Variants in CSMD1 observed in about 807,000 individuals in gnomAD.
CSMD1 encodes the protein CUB and sushi domain-containing protein 1.
A neutral mutation model predicts 417.5 loss-of-function variants in CSMD1; 213 were observed. That is an observed-to-expected ratio of 0.51 (90% CI 0.46 to 0.57). The LOEUF (loss-of-function observed/expected upper bound fraction) is 0.57, where lower values mean the gene tolerates loss of function less well. CSMD1 is among the 20% of genes least tolerant of loss of function. The pLI is 0.00. For synonymous variants in CSMD1, 2,862 were observed against 1,736.8 expected (o/e 1.65, Z -16.11); for missense variants, 6,923 against 4,529.7 (o/e 1.53, Z -15.17).
At chr8:3,452,895 C>T (rs920879449) in intron 12 of CSMD1, among the ~76,000 whole-genome samples, 4 of 152,152 alleles carry the variant, frequency 2.6e-5, no homozygotes, top group African/African-American at 7.2e-5. Context: ...AGGAATGGTA[C>T]CAGCTCCTCC....
chr8:4,435,259 G>A (rs992458739), intron 2 of CSMD1, among the ~76,000 whole-genome samples: 1 of 152,100 alleles, frequency 6.6e-6, no homozygotes, highest in Non-Finnish European at 1.5e-5. Flanking sequence ...TGTTTTATAA[G>A]TACTTTGTTA....
At chr8:3,045,234 G>C (rs1811357611) in intron 50 of CSMD1, among the ~76,000 whole-genome samples, 1 of 152,134 alleles carries the variant, frequency 6.6e-6, no homozygotes. Context: ...ATCATAGTTG[G>C]TATCAAAAGA....
chr8:3,441,346 C>T (rs1319450331), intron 12 of CSMD1, among the ~76,000 whole-genome samples: 2 of 151,978 alleles, frequency 1.3e-5, no homozygotes, highest in Non-Finnish European at 2.9e-5. Flanking sequence ...TTGAATTTGT[C>T]AAATGCTTTT....
chr8:3,940,800 A>G (rs930367321), intron 5 of CSMD1, among the ~76,000 whole-genome samples: 1 of 151,678 alleles, frequency 6.6e-6, no homozygotes, highest in African/African-American at 2.4e-5. Context: ...TATTATTAAG[A>G]CTATAACAAA....
chr8:3,439,546 T>G (rs1344218753), intron 12 of CSMD1, among the ~76,000 whole-genome samples: 1 of 150,816 alleles, frequency 6.6e-6, no homozygotes, highest in Non-Finnish European at 1.5e-5. Flanking sequence ...TAAGAGTTCT[T>G]TATGAGTTCT....
intron 1 of CSMD1, among the ~76,000 whole-genome samples, chr8:4,776,343 T>A (rs1452418471): frequency 6.6e-6 from 1 of 152,196 alleles, no homozygotes; most frequent in Non-Finnish European, 1.5e-5. Context: ...ATATTGCTAC[T>A]AAGTTTTGAA....
intron 41 of CSMD1, among the ~76,000 whole-genome samples, chr8:3,133,403 G>C (rs1031743913): frequency 9.9e-5 from 15 of 152,240 alleles, no homozygotes; most frequent in African/African-American, 3.6e-4. Context: ...TCCTGAAAGA[G>C]CTTGGGTCTG....
rs370648347 is a variant in CSMD1, at chr8:4,672,351, G to A, written c.86-34793C>T. Among the ~76,000 whole-genome samples, 234 of 152,280 alleles carry A rather than the reference G, an allele frequency of 1.5e-3. 9 individuals are homozygous for A. In the South Asian group the frequency reaches 0.047, roughly 31 times the overall value. The stretch of plus-strand genomic sequence containing the variant: ...TAAAAGGTGAGATGGGTTGGATGCT[G>A]ACTTGAAGTAACTGTAAAGAGACTT... On this transcript the variant is annotated intron_variant, in intron 1 of 69. Coordinates refer to ENST00000635120, the MANE Select transcript of CSMD1 (RefSeq NM_033225.6).
intron 12 of CSMD1, 135 bp downstream of exon 12, chr8:3,468,577 A>C (rs1017786189): frequency 1.7e-5 from 10 of 591,494 alleles, no homozygotes; most frequent in Non-Finnish European, 2.7e-5. Context: ...GACTTTAAGG[A>C]AGTTCCCGTC....
At chr8:3,255,850 A>C (rs1251883651) in intron 26 of CSMD1, among the ~76,000 whole-genome samples, 1 of 152,036 alleles carries the variant, frequency 6.6e-6, no homozygotes, top group Admixed American at 6.6e-5. Context: ...TTTGGCTCAC[A>C]CTTGGTGTGC....
intron 3 of CSMD1, among the ~76,000 whole-genome samples, chr8:4,052,797 C>T (rs558358845): frequency 1.3e-5 from 2 of 152,268 alleles, no homozygotes; most frequent in South Asian, 2.1e-4. Flanking sequence ...GAACCCACTT[C>T]CAGATACTCT....
At chr8:4,009,329 G>A (rs944539281) in intron 4 of CSMD1, among the ~76,000 whole-genome samples, 19 of 152,126 alleles carry the variant, frequency 1.2e-4, no homozygotes, top group African/African-American at 4.6e-4. Context: ...AAAACTTGCT[G>A]GAAATCTATC....
At chr8:4,236,026 G>GTTTTTTTTTTTTTTTTTTTTTTTT (rs147378202) in intron 3 of CSMD1, among the ~76,000 whole-genome samples, 4 of 108,086 alleles carry the variant, frequency 3.7e-5, no homozygotes, top group African/African-American at 1.7e-4. Flanking sequence ...AATGGATATT[G>GTTTTTTTTTTTTTTTTTTTTTTTT]TTTTTTTTGT....
chr8:4,490,273 C>T (rs1017431499), intron 2 of CSMD1, among the ~76,000 whole-genome samples: 1 of 152,092 alleles, frequency 6.6e-6, no homozygotes, highest in Non-Finnish European at 1.5e-5. Context: ...AACTGCTGAC[C>T]TCGTGATCCA....
intron 6 of CSMD1, among the ~76,000 whole-genome samples, chr8:3,742,793 C>A (rs1176342637): frequency 6.6e-5 from 10 of 152,078 alleles, no homozygotes; most frequent in African/African-American, 2.4e-4. Flanking sequence ...ACAGCAACAA[C>A]AAAAAACAAA....
At chr8:3,298,413 T>C (rs1353549032) in intron 25 of CSMD1, among the ~76,000 whole-genome samples, 1 of 152,052 alleles carries the variant, frequency 6.6e-6, no homozygotes, top group African/African-American at 2.4e-5. Context: ...GTGTGAAGAT[T>C]GAGGAAATGA....
intron 8 of CSMD1, among the ~76,000 whole-genome samples, chr8:3,590,178 A>G (rs1254696587): frequency 6.6e-6 from 1 of 152,178 alleles, no homozygotes; most frequent in African/African-American, 2.4e-5. Flanking sequence ...ACTATGATCT[A>G]TCTATATTTA....
intron 3 of CSMD1, among the ~76,000 whole-genome samples, chr8:4,032,888 G>T (rs75584549): frequency 1.3e-5 from 2 of 152,070 alleles, no homozygotes; most frequent in African/African-American, 2.4e-5. Flanking sequence ...GGCCGTGGTG[G>T]GATGGGGCAG....
At chr8:3,676,585 A>T (rs1361262890) in intron 7 of CSMD1, among the ~76,000 whole-genome samples, 1 of 152,174 alleles carries the variant, frequency 6.6e-6, no homozygotes, top group East Asian at 1.9e-4. Flanking sequence ...ATATACACGG[A>T]TATATGGAAA....
Sources: gnomAD v4.1 joint callset for allele counts (sites outside exome capture counted in the v4.1 genomes callset) on GRCh38, gnomAD v4.1.1 for gene constraint, MANE v1.5 for transcripts, NCBI Gene and HGNC (gene_info 2026-07-23, HGNC 2026-07-21) for gene names.